DLGAP5: variants seen among roughly 807,000 people sequenced by gnomAD.
DLGAP5 encodes the protein DLG associated protein 5, also known as disks large-associated protein 5.
DLGAP5 carries 90 observed loss-of-function variants against 99.6 expected under a neutral mutation model. The observed-to-expected ratio is 0.90, with a 90% CI of 0.76 to 1.08. The LOEUF is 1.08. Ranked by LOEUF, DLGAP5 falls within the 50% of genes least tolerant of loss-of-function variation. The pLI, the probability that DLGAP5 is intolerant of heterozygous loss-of-function variation, is 0.00. For missense variants in DLGAP5, 1,036 were observed against 983.5 expected (o/e 1.05, Z -0.71); for synonymous variants, 311 against 321.3 (o/e 0.97, Z 0.34).
chr14:55,149,255 G>C (rs1881927565), intron 18 of DLGAP5, among the ~76,000 whole-genome samples: 4 of 152,152 alleles, frequency 2.6e-5, no homozygotes, highest in African/African-American at 9.7e-5. Flanking sequence ...CAATCATTCA[G>C]GGTTCGATCT....
rs1186786796 is a variant in DLGAP5 at position 55,158,680 on chromosome 14, G to A, written c.1715C>T (p.Ala572Val). The change falls in exon 14 of 19, where the codon GCG (alanine) becomes GTG (valine). Residue 572 changes from alanine to valine, a missense_variant. Coordinates refer to ENST00000247191, the MANE Select transcript of DLGAP5 (RefSeq NM_014750.5). Reference sequence around the variant, plus strand: ...TTTTATGGCAGCTAGGCGATTTCTCGCTGCAATTCTTCCAGCATCATCCTG... The same window carrying A: ...TTTTATGGCAGCTAGGCGATTTCTCACTGCAATTCTTCCAGCATCATCCTG... ...PKQDDAGRIA[A>V]RNRLAAIKNA... 9 of 1,613,732 alleles carry A rather than the reference G, an allele frequency of 5.6e-6. No homozygotes were observed. Among genetic ancestry groups the A allele is most frequent in the East Asian group, 4.5e-5 (2 of 44,874 alleles).
intron 2 of DLGAP5, among the ~76,000 whole-genome samples, chr14:55,185,045 A>G (rs1318524718): frequency 2.0e-5 from 3 of 152,142 alleles, no homozygotes; most frequent in African/African-American, 7.2e-5. Context: ...CCTCTTACTC[A>G]TCTATTTTTT....
At chr14:55,185,420 C>G (rs1225274263) in intron 2 of DLGAP5, among the ~76,000 whole-genome samples, 1 of 152,056 alleles carries the variant, frequency 6.6e-6, no homozygotes, top group African/African-American at 2.4e-5. Flanking sequence ...AGGGTGGTCT[C>G]GAACTCCTGA....
At chr14:55,188,909 A>G (rs751238786) in intron 2 of DLGAP5, 33 bp downstream of exon 2, 1 of 1,561,596 alleles carries the variant, frequency 6.4e-7, no homozygotes, top group Non-Finnish European at 8.8e-7. Flanking sequence ...TCACTCTTCA[A>G]AGTACTTAAA....
chr14:55,189,175 G>C lies in DLGAP5; in HGVS notation c.5C>G (p.Ser2Cys), dbSNP rs1883529117. Reference protein sequence around the residue: MSSSHFASRHRK... With the variant: MCSSHFASRHRK... ...GTGTCGACTGGCAAAATGTGATGAA[G>C]ACATCCTGTCAAGGAAAAGGACAAA... Residue 2 changes from serine to cysteine, a missense_variant, in exon 2 of 19, where the codon TCT (serine) becomes TGT (cysteine). Transcript: ENST00000247191. 1 of 1,611,276 alleles carries C rather than the reference G, an allele frequency of 6.2e-7. No homozygotes were observed. The highest frequency in any genetic ancestry group is 1.7e-5 in the Admixed American group (1 of 59,806).
intron 12 of DLGAP5, among the ~76,000 whole-genome samples, chr14:55,165,533 A>AC (rs1463130209): frequency 2.0e-5 from 3 of 151,844 alleles, no homozygotes; most frequent in African/African-American, 7.3e-5. Context: ...TAAAAAACAA[A>AC]AAAAAAAACC....
intron 1 of DLGAP5, 153 bp downstream of exon 1, chr14:55,191,310 C>G (rs1481175815): frequency 2.6e-5 from 4 of 152,584 alleles, no homozygotes; most frequent in Non-Finnish European, 5.9e-5. Context: ...TCTAAAGGCT[C>G]GCATTATCAG....
intron 12 of DLGAP5, 77 bp from the exon 13 acceptor site, chr14:55,163,152 A>G: frequency 1.3e-6 from 1 of 752,070 alleles, no homozygotes; most frequent in Admixed American, 3.4e-5. Context: ...AAGACTAAAA[A>G]AAAATTAAAA....
At chr14:55,174,853 G>A (rs953114324) in intron 10 of DLGAP5, among the ~76,000 whole-genome samples, 4 of 152,094 alleles carry the variant, frequency 2.6e-5, no homozygotes, top group Non-Finnish European at 5.9e-5. Context: ...ACCACGCCCG[G>A]ATAATTTTTA....
chr14:55,162,062 A>G (rs1446349597), intron 13 of DLGAP5, among the ~76,000 whole-genome samples: 1 of 151,920 alleles, frequency 6.6e-6, no homozygotes, highest in Non-Finnish European at 1.5e-5. Context: ...CATAAAGAAA[A>G]ACTGACAATG....
chr14:55,148,747 C>T (rs1263151098), intron 18 of DLGAP5: 3 of 490,132 alleles, frequency 6.1e-6, no homozygotes, highest in East Asian at 4.3e-5. Flanking sequence ...AAATTATAAA[C>T]AACAATGATT....
chr14:55,178,127 C>T (rs1357402684), intron 7 of DLGAP5, among the ~76,000 whole-genome samples: 1 of 151,760 alleles, frequency 6.6e-6, no homozygotes, highest in Non-Finnish European at 1.5e-5. Context: ...TGGCAGGCGC[C>T]TATAGTCCCA....
chr14:55,148,311 T>C lies in DLGAP5; in HGVS notation c.*40A>G, dbSNP rs1881892375. 1 of 1,598,988 alleles carries C rather than the reference T, an allele frequency of 6.3e-7. No homozygotes were observed. Among genetic ancestry groups the C allele is most frequent in the African/African-American group, 1.3e-5 (1 of 74,452 alleles). On this transcript the variant is annotated 3_prime_UTR_variant, in exon 19 of 19. Coordinates refer to ENST00000247191, the MANE Select transcript of DLGAP5 (RefSeq NM_014750.5). ...CAATAGTCTAAGGAATATATAAGCA[T>C]TGATAATATGAAGGAAAATGTTTGG... is the stretch of plus-strand genomic sequence containing the variant.
intron 10 of DLGAP5, among the ~76,000 whole-genome samples, chr14:55,171,799 T>C (rs1214846433): frequency 6.6e-6 from 1 of 152,212 alleles, no homozygotes; most frequent in Admixed American, 6.5e-5. Flanking sequence ...AAGGAAAGTC[T>C]GACACATGCT....
At chr14:55,189,551 A>T (rs1883539838) in intron 1 of DLGAP5, among the ~76,000 whole-genome samples, 1 of 152,230 alleles carries the variant, frequency 6.6e-6, no homozygotes, top group Admixed American at 6.5e-5. Context: ...TGAGGAATGC[A>T]GGTAGTCTAA....
At chr14:55,184,949 A>T (rs1883384593) in intron 2 of DLGAP5, among the ~76,000 whole-genome samples, 1 of 152,210 alleles carries the variant, frequency 6.6e-6, no homozygotes, top group Non-Finnish European at 1.5e-5. Flanking sequence ...TTTTGGGATA[A>T]CTAATACAAT....
In DLGAP5 at chr14:55,158,835, TTTAAAAATAAAGTATAC is replaced by T; in HGVS notation, c.1654-111_1654-95del. 5 of 858,506 alleles carry T rather than the reference TTTAAAAATAAAGTATAC, an allele frequency of 5.8e-6. 1 individual carries two copies. In the South Asian group the frequency reaches 9.0e-5, roughly 15 times the overall value. The allele number at this position is 858,506 out of a possible 1,614,324, so 53.2% of individuals were successfully genotyped here. On this transcript the variant is annotated intron_variant, in intron 13 of 18. Coordinates refer to ENST00000247191, the MANE Select transcript of DLGAP5 (RefSeq NM_014750.5). Reference sequence around the variant, plus strand: ...AAATTCATCACTTAAAAATTTAATTTTTAAAAATAAAGTATACATAAAATATTTCACATTCATCATAT... The same window carrying T: ...AAATTCATCACTTAAAAATTTAATTTATAAAATATTTCACATTCATCATAT...
chr14:55,183,831 AT>A, intron 2 of DLGAP5, 78 bp from the exon 3 acceptor site: 1 of 1,350,444 alleles, frequency 7.4e-7, no homozygotes, highest in African/African-American at 1.5e-5. Flanking sequence ...ATAAACAATT[AT>A]TTTTGTGTCA....
rs80024343 is a variant in DLGAP5 at position 55,170,741 on chromosome 14, C to T, written c.1348G>A (p.Glu450Lys). The T allele has an allele frequency of 9.9e-6, 16 of 1,613,646 alleles. No individual in the cohort carries two copies. The East Asian group carries it at 2.2e-4, about 23-fold the overall frequency. The stretch of plus-strand genomic sequence containing the variant: ...TCCAATTCAAGTTTCCTGTCCCACT[C>T]GAAGCAATGTGAAGTTAATTTCTCA... ...ETEKLTSHCF[E>K]WDRKLELDIP... is the part of the protein sequence containing the mutation. Residue 450 changes from glutamate (E) to lysine (K), a missense_variant, in exon 11 of 19, where the codon GAG becomes AAG. Physicochemically the swap from Glu to Lys is moderately conservative, Grantham distance 56. Transcript: ENST00000247191.
Sources: gnomAD v4.1 joint callset for allele counts (sites outside exome capture counted in the v4.1 genomes callset) on GRCh38, gnomAD v4.1.1 for gene constraint, MANE v1.5 for transcripts, NCBI Gene and HGNC (gene_info 2026-07-23, HGNC 2026-07-21) for gene names.